WDR41: variants seen among roughly 807,000 people sequenced by gnomAD.
WDR41 encodes WD repeat domain 41, also known as WD repeat-containing protein 41.
Under a neutral mutation model 69.3 loss-of-function variants are expected in WDR41, and 63 were observed. The observed-to-expected ratio is 0.91, with a 90% CI of 0.74 to 1.12. The LOEUF (loss-of-function observed/expected upper bound fraction) is 1.12, where lower values mean the gene tolerates loss of function less well. Among genes scored for constraint, WDR41 ranks in the 50% most tolerant of loss-of-function variants. The pLI, the probability that WDR41 is intolerant of heterozygous loss-of-function variation, is 0.00. For missense variants in WDR41, 543 were observed against 534.5 expected, an observed-to-expected ratio of 1.02 and a Z score of -0.16; for synonymous variants, 185 against 192.1, an observed-to-expected ratio of 0.96 and a Z score of 0.31.
intron 5 of WDR41, chr5:77,458,849 G>T: frequency 2.5e-6 from 1 of 395,904 alleles, no homozygotes; most frequent in Non-Finnish European, 4.5e-6. Flanking sequence ...TTGCTATTGG[G>T]ATTATCCCTT....
At chr5:77,511,799 G>A (rs2112173484) in intron 1 of WDR41, among the ~76,000 whole-genome samples, 1 of 151,580 alleles carries the variant, frequency 6.6e-6, no homozygotes, top group Admixed American at 6.6e-5. Flanking sequence ...GGTAAGTAAG[G>A]CGTCCAAGAT....
At chr5:77,443,345 T>A (rs1799250330) in intron 8 of WDR41, among the ~76,000 whole-genome samples, 1 of 152,208 alleles carries the variant, frequency 6.6e-6, no homozygotes. Flanking sequence ...TTATTTCATT[T>A]ATCAAATAAA....
intron 1 of WDR41, among the ~76,000 whole-genome samples, chr5:77,560,009 A>C (rs1401109303): frequency 1.3e-5 from 2 of 152,068 alleles, no homozygotes; most frequent in Non-Finnish European, 2.9e-5. Flanking sequence ...GAAAAGGGAG[A>C]CTCCCAAAGG....
At chr5:77,616,015 A>AAATT (rs1242326724) in intron 1 of WDR41, among the ~76,000 whole-genome samples, 3 of 137,436 alleles carry the variant, frequency 2.2e-5, no homozygotes, top group African/African-American at 2.6e-5. Context: ...ATAAATAAAT[A>AAATT]AATTAATTAA....
intron 4 of WDR41, among the ~76,000 whole-genome samples, chr5:77,459,745 T>C (rs534619527): frequency 2.6e-5 from 4 of 152,350 alleles, no homozygotes; most frequent in Admixed American, 6.5e-5. Flanking sequence ...CATACATGTA[T>C]GTACTACGTA....
chr5:77,553,049 C>T (rs1743325613), intron 1 of WDR41, among the ~76,000 whole-genome samples: 1 of 152,144 alleles, frequency 6.6e-6, no homozygotes, highest in Non-Finnish European at 1.5e-5. Flanking sequence ...TTGGACCTCC[C>T]TGAAATTAGA....
intron 1 of WDR41, among the ~76,000 whole-genome samples, chr5:77,578,374 G>A (rs1743872845): frequency 6.6e-6 from 1 of 152,132 alleles, no homozygotes. Flanking sequence ...AGACCTGGGG[G>A]AGGGCAGTTT....
rs564699164 is a variant in WDR41, at chr5:77,609,987, G to A, written c.42+10492C>T. ...AGGAGCTGATGGAGCTGAAAGCCAA[G>A]GCTCGAGAACTACGTGAAGAATGCA... On this transcript the variant is annotated intron_variant, in intron 1 of 5. Coordinates refer to the WDR41 transcript ENST00000509971. 1.2e-4 allele frequency among the ~76,000 whole-genome samples: 18 copies of A among 152,208 alleles called. No individual in the cohort carries two copies. The South Asian group carries it at 3.7e-3, about 32-fold the overall frequency.
chr5:77,506,705 C>A (rs1342741755), intron 1 of WDR41, among the ~76,000 whole-genome samples: 1 of 152,104 alleles, frequency 6.6e-6, no homozygotes, highest in Non-Finnish European at 1.5e-5. Flanking sequence ...TACCATGCAG[C>A]CATAAAAAAG....
At chr5:77,456,153 T>C (rs890518093) in intron 5 of WDR41, among the ~76,000 whole-genome samples, 5 of 152,182 alleles carry the variant, frequency 3.3e-5, no homozygotes, top group Non-Finnish European at 5.9e-5. Context: ...TTGTAGTTTT[T>C]GGTATATAAG....
rs1169312452 is a variant in WDR41 at position 77,471,798 on chromosome 5, CA to C, written c.168-6990del. Reference sequence around the variant, plus strand: ...ACGCAATAATTAATAGCTTACCAACCAAAAAAAAATCCAGGACCAGATGGAT... The same window carrying C: ...ACGCAATAATTAATAGCTTACCAACCAAAAAAAATCCAGGACCAGATGGAT... On this transcript the variant is annotated intron_variant, in intron 2 of 12. Coordinates refer to ENST00000296679, the MANE Select transcript of WDR41 (RefSeq NM_018268.4). 2.0e-5 allele frequency among the ~76,000 whole-genome samples: 3 copies of C among 150,958 alleles called. No homozygotes were observed. In the East Asian group the frequency reaches 5.8e-4, roughly 29 times the overall value.
intron 1 of WDR41, among the ~76,000 whole-genome samples, chr5:77,555,697 A>T (rs1315405338): frequency 6.6e-6 from 1 of 152,248 alleles, no homozygotes; most frequent in Non-Finnish European, 1.5e-5. Flanking sequence ...AATGGGTAAG[A>T]TCCTTATGAA....
At chr5:77,527,552 G>C (rs1802467490) in intron 1 of WDR41, among the ~76,000 whole-genome samples, 1 of 151,874 alleles carries the variant, frequency 6.6e-6, no homozygotes, top group African/African-American at 2.4e-5. Flanking sequence ...AATAGAAGCT[G>C]ATAGAATACA....
chr5:77,542,206 T>A (rs1380883151), intron 1 of WDR41, among the ~76,000 whole-genome samples: 1 of 152,084 alleles, frequency 6.6e-6, no homozygotes, highest in Non-Finnish European at 1.5e-5. Context: ...CACTTGTAAG[T>A]GGGTGCTGAA....
intron 1 of WDR41, among the ~76,000 whole-genome samples, chr5:77,524,030 G>A (rs1390945051): frequency 6.6e-6 from 1 of 152,074 alleles, no homozygotes; most frequent in Non-Finnish European, 1.5e-5. Flanking sequence ...TTTTCTAAAC[G>A]TGTTTTCTAA....
intron 1 of WDR41, among the ~76,000 whole-genome samples, chr5:77,537,384 A>G (rs1743007054): frequency 6.6e-6 from 1 of 152,242 alleles, no homozygotes; most frequent in South Asian, 2.1e-4. Flanking sequence ...ATGTTTGGTC[A>G]GGAGGCCGAA....
At chr5:77,477,306 G>C (rs1800987016) in intron 2 of WDR41, among the ~76,000 whole-genome samples, 2 of 150,684 alleles carry the variant, frequency 1.3e-5, no homozygotes, top group Admixed American at 6.6e-5. Context: ...ATTGAAATCA[G>C]CTCTGCACCA....
At chr5:77,533,676 A>G (rs938105333) in intron 1 of WDR41, among the ~76,000 whole-genome samples, 1 of 152,162 alleles carries the variant, frequency 6.6e-6, no homozygotes, top group Admixed American at 6.5e-5. Context: ...AGAATTATAT[A>G]ATTAATTCAA....
chr5:77,545,694 G>A, intron 1 of WDR41: 10 of 485,264 alleles, frequency 2.1e-5, no homozygotes, highest in Non-Finnish European at 3.6e-5. Flanking sequence ...AGGTTTTAAA[G>A]GTTACGCCAG....
Sources: allele counts gnomAD v4.1 joint callset (sites outside exome capture counted in the v4.1 genomes callset), GRCh38; gene constraint gnomAD v4.1.1; transcripts MANE v1.5; gene names NCBI Gene and HGNC (gene_info 2026-07-23, HGNC 2026-07-21).